The following CEPT1 variants were observed in gnomAD, a reference collection of about 807,000 sequenced individuals.
The protein encoded by CEPT1 is choline/ethanolaminephosphotransferase 1.
Under a neutral mutation model 42.6 loss-of-function variants are expected in CEPT1, and 7 were observed. The observed-to-expected ratio is 0.16, with a 90% confidence interval of 0.09 to 0.31. The LOEUF is 0.31. CEPT1 is among the 10% of genes least tolerant of loss of function. The pLI, the probability that CEPT1 is intolerant of heterozygous loss-of-function variation, is 1.00. For missense variants in CEPT1, 306 were observed against 502.1 expected, an observed-to-expected ratio of 0.61 and a Z score of 3.73; for synonymous variants, 171 against 171.9, an observed-to-expected ratio of 0.99 and a Z score of 0.04.
At chr1:111,145,997 G>A (rs907029187) in intron 1 of CEPT1, among the ~76,000 whole-genome samples, 1 of 151,976 alleles carries the variant, frequency 6.6e-6, no homozygotes, top group Non-Finnish European at 1.5e-5. Context: ...CTGGGACTTT[G>A]ATTCTGCTTT....
rs1401211156 is a variant in CEPT1 at position 111,179,889 on chromosome 1, G to T, written c.715-2298G>T. ...AATTCAAACAAAATCCAACACTCAGGAGCTTATGTTTTGGTGTATATAGCT... is the reference window on the plus strand; with the variant it reads ...AATTCAAACAAAATCCAACACTCAGTAGCTTATGTTTTGGTGTATATAGCT... On this transcript the variant is annotated intron_variant, in intron 5 of 8. Coordinates refer to ENST00000357172, the MANE Select transcript of CEPT1 (RefSeq NM_006090.5). 3 of 152,136 alleles carry T rather than the reference G, an allele frequency of 2.0e-5. No individual in the cohort carries two copies. In the South Asian group the frequency reaches 6.2e-4, roughly 32 times the overall value. The allele number at this position is 152,136 out of a possible 1,614,324, so 9.4% of individuals were successfully genotyped here. A position where few individuals can be genotyped will look rare whatever the true frequency, so the allele number is the denominator to read the frequency against.
At chr1:111,153,970 T>A (rs1449663328) in intron 2 of CEPT1, among the ~76,000 whole-genome samples, 1 of 152,108 alleles carries the variant, frequency 6.6e-6, no homozygotes, top group African/African-American at 2.4e-5. Context: ...TTTTAGGATT[T>A]TTTTTCTATT....
intron 5 of CEPT1, 88 bp from the exon 6 acceptor site, chr1:111,182,099 G>A: frequency 2.8e-6 from 3 of 1,074,400 alleles, no homozygotes; most frequent in Non-Finnish European, 3.9e-6. Flanking sequence ...GGAATGGAAA[G>A]TTTTTGGGAA....
At chr1:111,152,299 A>G (rs930550123) in intron 2 of CEPT1, among the ~76,000 whole-genome samples, 1 of 149,430 alleles carries the variant, frequency 6.7e-6, no homozygotes, top group Non-Finnish European at 1.5e-5. Flanking sequence ...TTCACTGCCC[A>G]GTTAACTTAT....
intron 3 of CEPT1, 116 bp downstream of exon 3, chr1:111,159,643 T>G (rs1280733790): frequency 1.3e-6 from 1 of 768,844 alleles, no homozygotes; most frequent in Non-Finnish European, 1.9e-6. Context: ...TAAATTTTAG[T>G]ATTTCTCAAA....
chr1:111,159,621 G>A (rs1655768742), intron 3 of CEPT1, 94 bp downstream of exon 3: 4 of 912,576 alleles, frequency 4.4e-6, no homozygotes, highest in Non-Finnish European at 6.3e-6. Flanking sequence ...ATGAGAATAA[G>A]TAATTTTGTA....
chr1:111,145,184 T>A (rs892633180), intron 1 of CEPT1, among the ~76,000 whole-genome samples: 1 of 152,136 alleles, frequency 6.6e-6, no homozygotes, highest in Non-Finnish European at 1.5e-5. Context: ...CCCATCTAAT[T>A]TTTATATTTT....
At chr1:111,178,522 A>G (rs983525481) in intron 5 of CEPT1, 1 of 150,644 alleles carries the variant, frequency 6.6e-6, no homozygotes, top group African/African-American at 2.4e-5. Flanking sequence ...TGCTTGTTTT[A>G]TACATTGCAA....
intron 2 of CEPT1, 73 bp from the exon 3 acceptor site, chr1:111,159,307 A>G: frequency 7.0e-7 from 1 of 1,424,406 alleles, no homozygotes; most frequent in Non-Finnish European, 9.6e-7. Flanking sequence ...TCCAACCTGC[A>G]GGTAAAAATA....
At chr1:111,161,086 A>G (rs924486980) in intron 3 of CEPT1, 69 bp from the exon 4 acceptor site, 10 of 1,541,326 alleles carry the variant, frequency 6.5e-6, no homozygotes, top group Middle Eastern at 3.3e-4. Flanking sequence ...TGTCTCATCT[A>G]AAATCATTTC....
chr1:111,158,437 G>T (rs1655689418), intron 2 of CEPT1, among the ~76,000 whole-genome samples: 1 of 152,128 alleles, frequency 6.6e-6, no homozygotes, highest in Non-Finnish European at 1.5e-5. Flanking sequence ...CCTTGAAAAC[G>T]TGACTGTGGA....
intron 8 of CEPT1, among the ~76,000 whole-genome samples, chr1:111,183,910 A>G (rs1188795569): frequency 6.6e-6 from 1 of 152,210 alleles, no homozygotes; most frequent in East Asian, 1.9e-4. Context: ...ATTGGAACAC[A>G]GCTATGGCCA....
chr1:111,148,375 CA>C (rs34084366), intron 2 of CEPT1, among the ~76,000 whole-genome samples: 3,650 of 75,130 alleles, frequency 0.049, 119 homozygotes, highest in African/African-American at 0.14. Flanking sequence ...AAAGTCTTAG[CA>C]AAAAAAAAAA....
At chr1:111,162,915 AGAG>A (rs1655943492) in intron 4 of CEPT1, among the ~76,000 whole-genome samples, 1 of 152,212 alleles carries the variant, frequency 6.6e-6, no homozygotes, top group Admixed American at 6.5e-5. Context: ...AGCATTGGTT[AGAG>A]GAGAGAATAT....
chr1:111,150,197 T>A (rs1655193871), intron 2 of CEPT1, among the ~76,000 whole-genome samples: 1 of 152,202 alleles, frequency 6.6e-6, no homozygotes, highest in Non-Finnish European at 1.5e-5. Flanking sequence ...AGGTCTTGGT[T>A]GTTTTCTATG....
chr1:111,159,555 A>G, intron 3 of CEPT1, 28 bp downstream of exon 3: 1 of 1,578,194 alleles, frequency 6.3e-7, no homozygotes, highest in Non-Finnish European at 8.6e-7. Context: ...AATGTTATTG[A>G]TTATTAACAA....
In CEPT1 at chr1:111,184,799, T is replaced by C. The variant is rs1455463680; in HGVS notation, c.*489T>C. 6.6e-6 allele frequency: 1 copy of C among 152,348 alleles called. No individual in the cohort carries two copies. The highest frequency in any genetic ancestry group is 2.4e-5 in the African/African-American group (1 of 41,364). The allele number at this position is 152,348 out of a possible 1,614,324, so 9.4% of individuals were successfully genotyped here. On this transcript the variant is annotated 3_prime_UTR_variant, in exon 9 of 9. Transcript: ENST00000357172. ...TGAGGTGGAACTAGTAATAAAGACC[T>C]TGAATTTGGATTGAAAAGTTTCCTA...
chr1:111,147,220 A>G (rs1655016565), intron 1 of CEPT1, among the ~76,000 whole-genome samples: 2 of 152,252 alleles, frequency 1.3e-5, no homozygotes, highest in Non-Finnish European at 2.9e-5. Context: ...ACCATTAAAT[A>G]AAAATCTAGT....
intron 5 of CEPT1, chr1:111,181,273 G>A (rs557377177): frequency 1.1e-4 from 16 of 152,080 alleles, no homozygotes; most frequent in Admixed American, 5.9e-4. Context: ...ACTAGACTAC[G>A]TCATTTATTT....
Sources: gnomAD v4.1 joint callset for allele counts (sites outside exome capture counted in the v4.1 genomes callset) on GRCh38, gnomAD v4.1.1 for gene constraint, MANE v1.5 for transcripts, NCBI Gene and HGNC (gene_info 2026-07-23, HGNC 2026-07-21) for gene names.